Variants in DAAM1 observed in about 807,000 individuals in gnomAD.
DAAM1 encodes disheveled-associated activator of morphogenesis 1.
A neutral mutation model predicts 130.0 loss-of-function variants in DAAM1; 52 were observed. That is an observed-to-expected ratio of 0.40 (90% CI 0.32 to 0.50). DAAM1 has a LOEUF of 0.50. DAAM1 is among the 20% of genes least tolerant of loss of function. The pLI, the probability that DAAM1 is intolerant of heterozygous loss-of-function variation, is 0.61. For synonymous variants in DAAM1, 452 were observed against 444.5 expected (o/e 1.02, Z -0.21); for missense variants, 1,134 against 1,303.8 (o/e 0.87, Z 2.01).
intron 1 of DAAM1, among the ~76,000 whole-genome samples, chr14:59,202,609 G>A (rs1888140679): frequency 6.6e-6 from 1 of 152,188 alleles, no homozygotes; most frequent in Non-Finnish European, 1.5e-5. Context: ...TTGTAGTACA[G>A]AAGTCTTGTT....
intron 12 of DAAM1, among the ~76,000 whole-genome samples, chr14:59,327,960 A>G (rs1885275660): frequency 6.6e-6 from 1 of 152,246 alleles, no homozygotes; most frequent in Admixed American, 6.5e-5. Context: ...GTTTTAAAAT[A>G]TTAACAAATT....
At chr14:59,231,766 C>T (rs1165885102) in intron 1 of DAAM1, among the ~76,000 whole-genome samples, 3 of 152,150 alleles carry the variant, frequency 2.0e-5, no homozygotes, top group Admixed American at 2.0e-4. Context: ...ATGTGCTTAA[C>T]AAACTTTAGC....
chr14:59,274,173 T>C (rs1882849408), intron 2 of DAAM1, among the ~76,000 whole-genome samples: 1 of 152,166 alleles, frequency 6.6e-6, no homozygotes, highest in Non-Finnish European at 1.5e-5. Context: ...TTTTTTCTTG[T>C]GTTCAGTTTT....
At position 59,263,634 on chromosome 14, in the gene DAAM1, C is replaced by T; in HGVS notation, c.157C>T (p.Leu53=). The change falls in exon 2 of 25, where the codon CTG becomes TTG. Residue 53 remains leucine, a synonymous_variant. Transcript: ENST00000360909. The part of the protein sequence containing the change: ...PALPMPPVEE[L]DVMFSELVDE... ...ATTGCCCATGCCCCCTGTGGAGGAG[C>T]TGGATGTCATGTTCAGTGAACTGGT... 2 of 1,614,182 alleles carry T rather than the reference C, an allele frequency of 1.2e-6. No homozygotes were observed. Among genetic ancestry groups the T allele is most frequent in the Non-Finnish European group, 1.7e-6 (2 of 1,180,024 alleles).
At chr14:59,329,313 G>A (rs1257340694) in intron 12 of DAAM1, among the ~76,000 whole-genome samples, 1 of 152,222 alleles carries the variant, frequency 6.6e-6, no homozygotes, top group Middle Eastern at 3.4e-3. Flanking sequence ...AGAATGAAAT[G>A]GAGATAAAAG....
intron 1 of DAAM1, among the ~76,000 whole-genome samples, chr14:59,228,272 A>T (rs1889002383): frequency 6.6e-6 from 1 of 152,140 alleles, no homozygotes; most frequent in Non-Finnish European, 1.5e-5. Flanking sequence ...TCACTGACAA[A>T]GTTCCAAGGA....
intron 1 of DAAM1, among the ~76,000 whole-genome samples, chr14:59,224,303 C>T (rs1253290776): frequency 2.6e-5 from 4 of 152,336 alleles, no homozygotes; most frequent in African/African-American, 9.6e-5. Context: ...ATCCATTTGT[C>T]TTCTGCACAG....
intron 1 of DAAM1, among the ~76,000 whole-genome samples, chr14:59,204,081 T>C (rs1016789315): frequency 6.6e-6 from 1 of 152,240 alleles, no homozygotes; most frequent in Non-Finnish European, 1.5e-5. Context: ...TGTGGTGTTA[T>C]TTGGTTATAA....
chr14:59,308,147 G>A (rs1288986860), intron 3 of DAAM1, among the ~76,000 whole-genome samples: 2 of 152,194 alleles, frequency 1.3e-5, no homozygotes, highest in African/African-American at 2.4e-5. Context: ...AGTAGAGTTT[G>A]TATAGAACTG....
At chr14:59,314,759 T>A (rs1392178991) in intron 3 of DAAM1, among the ~76,000 whole-genome samples, 1 of 152,234 alleles carries the variant, frequency 6.6e-6, no homozygotes, top group Non-Finnish European at 1.5e-5. Context: ...AATGTCAGGC[T>A]TTATTCTTCT....
intron 3 of DAAM1, among the ~76,000 whole-genome samples, chr14:59,305,626 C>T (rs1331711562): frequency 1.3e-5 from 2 of 152,104 alleles, no homozygotes; most frequent in Non-Finnish European, 2.9e-5. Context: ...CTCTAACCAC[C>T]CCCCAACTCC....
chr14:59,351,831 T>C (rs1037308683), intron 17 of DAAM1, among the ~76,000 whole-genome samples: 4 of 152,026 alleles, frequency 2.6e-5, no homozygotes, highest in Non-Finnish European at 4.4e-5. Flanking sequence ...ATCCAAAACG[T>C]GTGTACCTTG....
chr14:59,306,626 G>T (rs1884389643), intron 3 of DAAM1, among the ~76,000 whole-genome samples: 1 of 152,044 alleles, frequency 6.6e-6, no homozygotes, highest in South Asian at 2.1e-4. Flanking sequence ...AACTGTTAGG[G>T]AGCAGCAGTT....
chr14:59,257,376 A>G (rs1881945683), intron 1 of DAAM1, among the ~76,000 whole-genome samples: 1 of 137,580 alleles, frequency 7.3e-6, no homozygotes, highest in Non-Finnish European at 1.6e-5. Flanking sequence ...GGAAATGGAC[A>G]TTAAAAAAAA....
At chr14:59,198,188 C>T (rs1152564) in intron 1 of DAAM1, among the ~76,000 whole-genome samples, 1 of 149,022 alleles carries the variant, frequency 6.7e-6, no homozygotes. Context: ...ATTTGCCTTT[C>T]TTTTCTTTTC....
At chr14:59,234,154 T>C (rs1313758029) in intron 1 of DAAM1, among the ~76,000 whole-genome samples, 1 of 152,204 alleles carries the variant, frequency 6.6e-6, no homozygotes, top group Admixed American at 6.5e-5. Context: ...GTAGTTTTTT[T>C]CTAATTCTGT....
intron 1 of DAAM1, among the ~76,000 whole-genome samples, chr14:59,203,956 G>T (rs17095853): frequency 0.16 from 24,018 of 152,156 alleles, 2,341 homozygotes; most frequent in East Asian, 0.33. Context: ...TCTCAAATTT[G>T]GATTCATGAT....
At chr14:59,287,809 A>G (rs1883528142) in intron 2 of DAAM1, among the ~76,000 whole-genome samples, 1 of 152,214 alleles carries the variant, frequency 6.6e-6, no homozygotes, top group Non-Finnish European at 1.5e-5. Context: ...CTGCTCATGG[A>G]TAGGAAGAAT....
chr14:59,198,352 C>A (rs1887979107), intron 1 of DAAM1, among the ~76,000 whole-genome samples: 1 of 151,916 alleles, frequency 6.6e-6, no homozygotes, highest in African/African-American at 2.4e-5. Context: ...ATTACAGGTA[C>A]CCGCCACCAT....
Sources: gnomAD v4.1 joint callset for allele counts (sites outside exome capture counted in the v4.1 genomes callset) on GRCh38, gnomAD v4.1.1 for gene constraint, MANE v1.5 for transcripts, NCBI Gene and HGNC (gene_info 2026-07-23, HGNC 2026-07-21) for gene names.